The following ZNF480 variants were observed in gnomAD, a reference collection of about 807,000 sequenced individuals.
ZNF480 encodes the protein zinc finger protein 480.
ZNF480 carries 15 observed loss-of-function variants against 14.4 expected under a neutral mutation model. The observed-to-expected ratio is 1.04, with a 90% CI of 0.70 to 1.60. The LOEUF is 1.60. ZNF480 is among the 40% of genes most tolerant of loss of function. The pLI is 0.00. For missense variants in ZNF480, 593 were observed against 629.7 expected, an observed-to-expected ratio of 0.94 and a Z score of 0.62; for synonymous variants, 218 against 215.5, an observed-to-expected ratio of 1.01 and a Z score of -0.10.
At chr19:52,297,758 G>A (rs1378718906) in intron 1 of ZNF480, 1 of 149,852 alleles carries the variant, frequency 6.7e-6, no homozygotes, top group Non-Finnish European at 1.5e-5. Flanking sequence ...CTGCGTGTGG[G>A]GAGGTGACTT....
At chr19:52,318,261 C>T (rs1983650504) in intron 4 of ZNF480, among the ~76,000 whole-genome samples, 1 of 152,044 alleles carries the variant, frequency 6.6e-6, no homozygotes, top group Admixed American at 6.6e-5. Context: ...TGCACACCAC[C>T]ATGCCTGGCT....
chr19:52,302,000 CT>C (rs1982715117), intron 2 of ZNF480: 1 of 173,826 alleles, frequency 5.8e-6, no homozygotes, highest in East Asian at 1.6e-4. Flanking sequence ...AAAAGGAGGC[CT>C]TATTGTCAGT....
At chr19:52,319,013 G>A (rs1261188361) in intron 4 of ZNF480, among the ~76,000 whole-genome samples, 28 of 151,892 alleles carry the variant, frequency 1.8e-4, no homozygotes, top group Admixed American at 1.8e-3. Context: ...ACAGGCATGT[G>A]CCACCATGCC....
chr19:52,307,469 C>T (rs1016438357), intron 2 of ZNF480: 47 of 152,210 alleles, frequency 3.1e-4, no homozygotes, highest in Admixed American at 2.7e-3. Context: ...GGTGACCCTT[C>T]GACAAGGGTT....
intron 4 of ZNF480, among the ~76,000 whole-genome samples, chr19:52,320,096 G>A (rs892420613): frequency 2.6e-5 from 4 of 152,074 alleles, no homozygotes; most frequent in East Asian, 3.9e-4. Context: ...GATTACAAGC[G>A]TGAGCCACTG....
chr19:52,309,939 G>T (rs1983188358), intron 2 of ZNF480, among the ~76,000 whole-genome samples: 2 of 152,158 alleles, frequency 1.3e-5, no homozygotes, highest in African/African-American at 4.8e-5. Flanking sequence ...TCCTAAGGGA[G>T]ATGTCAGATG....
intron 3 of ZNF480, among the ~76,000 whole-genome samples, chr19:52,315,401 C>T (rs769618169): frequency 1.8e-4 from 28 of 151,932 alleles, no homozygotes; most frequent in Middle Eastern, 3.2e-3. Flanking sequence ...CTGCAACCTC[C>T]GCCTCCTGGG....
intron 4 of ZNF480, among the ~76,000 whole-genome samples, chr19:52,319,077 T>C (rs1290332166): frequency 6.6e-6 from 1 of 152,154 alleles, no homozygotes. Context: ...TTAGTCAGTC[T>C]GGTCTCAAAC....
At position 52,300,496 on chromosome 19, in the gene ZNF480, T is replaced by G; in HGVS notation, c.72+12T>G. 1 of 1,609,984 alleles carries G rather than the reference T, an allele frequency of 6.2e-7. No homozygotes were observed. Among genetic ancestry groups the G allele is most frequent in the Admixed American group, 1.7e-5 (1 of 60,026 alleles). On this transcript the variant is annotated intron_variant, in intron 2 of 4. Transcript: ENST00000595962. ...TGGCTCTTCCTCAGGTGAGATGATA[T>G]TCTCGGTGGATTGTTCTGTCTCCTT...
intron 1 of ZNF480, among the ~76,000 whole-genome samples, chr19:52,299,463 G>A (rs975088295): frequency 6.6e-6 from 1 of 152,176 alleles, no homozygotes; most frequent in African/African-American, 2.4e-5. Flanking sequence ...TAAGTTCCTG[G>A]TTGGGACCTG....
At chr19:52,311,101 T>C (rs1983263103) in intron 2 of ZNF480, among the ~76,000 whole-genome samples, 1 of 151,876 alleles carries the variant, frequency 6.6e-6, no homozygotes, top group East Asian at 1.9e-4. Context: ...TTTTCTGTCA[T>C]GTATTAATGT....
At chr19:52,311,326 A>T (rs1440437759) in intron 2 of ZNF480, among the ~76,000 whole-genome samples, 1 of 151,832 alleles carries the variant, frequency 6.6e-6, no homozygotes, top group Non-Finnish European at 1.5e-5. Flanking sequence ...TCAATTTTTT[A>T]AAATATTATA....
chr19:52,308,983 T>C (rs767854832), intron 2 of ZNF480, among the ~76,000 whole-genome samples: 1 of 152,200 alleles, frequency 6.6e-6, no homozygotes, highest in African/African-American at 2.4e-5. Flanking sequence ...ATAATTGTTA[T>C]GGGAGGGAGC....
chr19:52,307,737 A>G (rs1047221679), intron 2 of ZNF480, among the ~76,000 whole-genome samples: 1 of 152,210 alleles, frequency 6.6e-6, no homozygotes, highest in Non-Finnish European at 1.5e-5. Flanking sequence ...CATTCTTAGC[A>G]AGGATTAGAG....
In ZNF480 at chr19:52,321,844, T is replaced by C; in HGVS notation, c.594T>C (p.Leu198=). 6.2e-7 allele frequency: 1 copy of C among 1,614,112 alleles called. No homozygotes were observed. Among genetic ancestry groups the C allele is most frequent in the Non-Finnish European group, 8.5e-7 (1 of 1,180,000 alleles). The change falls in exon 5 of 5, where the codon CTT becomes CTC. Residue 198 remains leucine (L), a synonymous_variant. Transcript: ENST00000595962. ...SFLPQEQKVH[L]REKPYECNEH... ...TCCCACAAGAACAGAAAGTACACCTTAGAGAAAAACCTTATGAATGTAATG... is the reference window on the plus strand; with the variant it reads ...TCCCACAAGAACAGAAAGTACACCTCAGAGAAAAACCTTATGAATGTAATG...
rs1042700156 is a variant in ZNF480 at position 52,323,893 on chromosome 19, A to T, written c.*1035A>T. On this transcript the variant is annotated 3_prime_UTR_variant, in exon 5 of 5. Coordinates refer to ENST00000595962, the MANE Select transcript of ZNF480 (RefSeq NM_144684.4). The stretch of plus-strand genomic sequence containing the variant: ...CATTCCCCTTGAGAACTGGAAAATG[A>T]CAGGGATGACCACTCTCACCACTCC... The T allele has an allele frequency of 3.9e-5, 6 of 152,190 alleles. No individual in the cohort carries two copies. The highest frequency in any genetic ancestry group is 1.2e-4 in the African/African-American group (5 of 41,452). 9.4% of individuals were successfully genotyped at this position (152,190 alleles called of 1,614,324 possible).
chr19:52,298,334 G>C (rs1378852897), intron 1 of ZNF480, among the ~76,000 whole-genome samples: 1 of 152,036 alleles, frequency 6.6e-6, no homozygotes, highest in Non-Finnish European at 1.5e-5. Flanking sequence ...GGGGAGTAGA[G>C]TCAGGGGAAG....
At chr19:52,310,328 A>T (rs1983210393) in intron 2 of ZNF480, among the ~76,000 whole-genome samples, 2 of 152,178 alleles carry the variant, frequency 1.3e-5, no homozygotes, top group South Asian at 4.1e-4. Context: ...AAATGCTGGG[A>T]TTACAGGCAT....
chr19:52,309,545 C>A (rs1161623119), intron 2 of ZNF480, among the ~76,000 whole-genome samples: 1 of 152,184 alleles, frequency 6.6e-6, no homozygotes, highest in African/African-American at 2.4e-5. Flanking sequence ...GAAACTTGTC[C>A]CTTAGGCAGT....
Sources: gnomAD v4.1 joint callset for allele counts (sites outside exome capture counted in the v4.1 genomes callset) on GRCh38, gnomAD v4.1.1 for gene constraint, MANE v1.5 for transcripts, NCBI Gene and HGNC (gene_info 2026-07-23, HGNC 2026-07-21) for gene names.